The following TMEM74 variants were observed in gnomAD, a reference collection of about 807,000 sequenced individuals.
The protein encoded by TMEM74 is transmembrane protein 74.
In TMEM74, 13 loss-of-function variants were observed where a neutral mutation model predicts 18.1. The ratio of observed to expected loss-of-function variants is 0.72; its 90% CI spans 0.47 to 1.14. The LOEUF is 1.14. Among genes scored for constraint, TMEM74 ranks in the 50% most tolerant of loss-of-function variants. The pLI, the probability that TMEM74 is intolerant of heterozygous loss-of-function variation, is 0.00. For missense variants in TMEM74, 372 were observed against 375.9 expected, an observed-to-expected ratio of 0.99 and a Z score of 0.09; for synonymous variants, 159 against 146.6, an observed-to-expected ratio of 1.08 and a Z score of -0.61.
At chr8:108,729,676 T>C (rs994803405) in intron 1 of TMEM74, among the ~76,000 whole-genome samples, 1 of 152,228 alleles carries the variant, frequency 6.6e-6, no homozygotes, top group Non-Finnish European at 1.5e-5. Flanking sequence ...TAAACATTAA[T>C]TGGAATTTCC....
intron 2 of TMEM74, chr8:108,652,785 A>G: frequency 1.9e-6 from 1 of 531,602 alleles, no homozygotes. Flanking sequence ...TTTGAGTATG[A>G]CCCACCCCAT....
At chr8:108,700,269 T>G (rs1294417513) in intron 1 of TMEM74, among the ~76,000 whole-genome samples, 1 of 151,970 alleles carries the variant, frequency 6.6e-6, no homozygotes, top group African/African-American at 2.4e-5. Context: ...ACCACTCAGA[T>G]AGATGCTAAT....
intron 1 of TMEM74, among the ~76,000 whole-genome samples, chr8:108,761,863 G>A (rs577666233): frequency 9.2e-5 from 14 of 152,006 alleles, no homozygotes; most frequent in African/African-American, 2.7e-4. Flanking sequence ...AAAAAAATTC[G>A]TCAAACACTG....
intron 1 of TMEM74, among the ~76,000 whole-genome samples, chr8:108,743,923 T>A (rs1453903460): frequency 6.6e-6 from 1 of 152,100 alleles, no homozygotes; most frequent in African/African-American, 2.4e-5. Context: ...GCAGCCCACA[T>A]GAAAATCTTT....
intron 2 of TMEM74, among the ~76,000 whole-genome samples, chr8:108,627,531 G>A (rs988670784): frequency 1.3e-5 from 2 of 152,026 alleles, no homozygotes. Flanking sequence ...CACAGTGCCT[G>A]TTATACAGTA....
intron 2 of TMEM74, among the ~76,000 whole-genome samples, chr8:108,625,754 GTC>G (rs1299379657): frequency 6.6e-6 from 1 of 151,820 alleles, no homozygotes; most frequent in Admixed American, 6.6e-5. Context: ...TTATTTTTAA[GTC>G]TCTCTACCCA....
rs972771939 is a variant in TMEM74 at position 108,781,634 on chromosome 8, G to A, written c.*2547C>T. ...AGATAAGTAGAACCTTAAAAGAGAG[G>A]TGCTCTATATGTTAGCAGATTTAAA... On this transcript the variant is annotated 3_prime_UTR_variant, in exon 2 of 2. Coordinates refer to ENST00000297459, the MANE Select transcript of TMEM74 (RefSeq NM_153015.3). 4.6e-5 allele frequency among the ~76,000 whole-genome samples: 7 copies of A among 152,128 alleles called. No homozygotes were observed. The highest frequency in any genetic ancestry group is 1.7e-4 in the African/African-American group (7 of 41,414).
At chr8:108,640,115 CTTTTTTTTTTTT>C (rs35455409) in intron 2 of TMEM74, among the ~76,000 whole-genome samples, 1 of 78,888 alleles carries the variant, frequency 1.3e-5, no homozygotes, top group Non-Finnish European at 2.3e-5. Flanking sequence ...ATAGTAATCA[CTTTTTTTTTTTT>C]TTTTTTTTTT....
Position 108,779,473 on chromosome 8 carries a change from C to A in TMEM74, c.*4708G>T, listed in dbSNP as rs537185606. Among the ~76,000 whole-genome samples the A allele has an allele frequency of 6.6e-6, 1 of 151,996 alleles. No individual in the cohort carries two copies. Among genetic ancestry groups the A allele is most frequent in the African/African-American group, 2.4e-5 (1 of 41,392 alleles). On this transcript the variant is annotated 3_prime_UTR_variant, in exon 2 of 2. Coordinates refer to ENST00000297459, the MANE Select transcript of TMEM74 (RefSeq NM_153015.3). ...TCCCCTGAAATAAAATAACAATTCACGGTAAAATAATTTCCAAATATCTCA... is the reference window on the plus strand; with the variant it reads ...TCCCCTGAAATAAAATAACAATTCAAGGTAAAATAATTTCCAAATATCTCA...
At chr8:108,760,229 C>G (rs2130661221) in intron 1 of TMEM74, among the ~76,000 whole-genome samples, 1 of 151,924 alleles carries the variant, frequency 6.6e-6, no homozygotes, top group Middle Eastern at 3.4e-3. Context: ...ATTCAGAGCA[C>G]TTTGACAAAC....
chr8:108,648,034 G>A (rs1812737456), intron 2 of TMEM74, among the ~76,000 whole-genome samples: 1 of 152,142 alleles, frequency 6.6e-6, no homozygotes, highest in Admixed American at 6.6e-5. Context: ...TCCAATCAAA[G>A]AGGGAAGGCC....
intron 2 of TMEM74, among the ~76,000 whole-genome samples, chr8:108,632,976 A>G (rs1166231223): frequency 6.6e-6 from 1 of 152,026 alleles, no homozygotes; most frequent in Non-Finnish European, 1.5e-5. Flanking sequence ...TACAAAGTTA[A>G]TGATTCCGTA....
At position 108,758,447 on chromosome 8, in the gene TMEM74, C is replaced by T. The variant is rs141101347; in HGVS notation, n.119+29029G>A. On this transcript the variant is annotated intron_variant and non_coding_transcript_variant, in intron 1 of 3. Coordinates refer to the TMEM74 transcript ENST00000518838. ...AAGCCAATTCACAAAACAGGAAGTACAAATGGCCAAGAAATGTATAAAAAG... is the reference window on the plus strand; with the variant it reads ...AAGCCAATTCACAAAACAGGAAGTATAAATGGCCAAGAAATGTATAAAAAG... 1.8e-4 allele frequency among the ~76,000 whole-genome samples: 28 copies of T among 152,110 alleles called. No homozygotes were observed. In the East Asian group the frequency reaches 5.2e-3, roughly 28 times the overall value.
At chr8:108,777,774 G>T (rs1441815312), downstream of TMEM74, among the ~76,000 whole-genome samples, 4 of 152,102 alleles carry the variant, frequency 2.6e-5, no homozygotes, top group East Asian at 7.8e-4. Context: ...TTTTTCATTT[G>T]TAAAATGCAG....
rs755546973 is a variant in TMEM74, at chr8:108,751,078, C to A, written n.119+36398G>T. 5.9e-5 allele frequency among the ~76,000 whole-genome samples: 9 copies of A among 152,136 alleles called. No individual in the cohort carries two copies. In the East Asian group the frequency reaches 1.5e-3, roughly 26 times the overall value. On this transcript the variant is annotated intron_variant and non_coding_transcript_variant, in intron 1 of 3. Coordinates refer to the TMEM74 transcript ENST00000518838. ...TAACCTGGATACCTTCCACCGGTAACGCGTTCATGGACTTTAGAGTCTAGC... is the reference window on the plus strand; with the variant it reads ...TAACCTGGATACCTTCCACCGGTAAAGCGTTCATGGACTTTAGAGTCTAGC...
intron 2 of TMEM74, among the ~76,000 whole-genome samples, chr8:108,647,458 T>C (rs1812731198): frequency 6.6e-6 from 1 of 152,154 alleles, no homozygotes; most frequent in African/African-American, 2.4e-5. Flanking sequence ...CTATGACTAA[T>C]GTTTAGTACT....
chr8:108,720,463 G>A (rs1011358670), intron 1 of TMEM74, among the ~76,000 whole-genome samples: 1 of 152,120 alleles, frequency 6.6e-6, no homozygotes, highest in Non-Finnish European at 1.5e-5. Flanking sequence ...TTATTCACTG[G>A]CGTGCCTTTC....
chr8:108,736,208 A>G (rs1813748633), intron 1 of TMEM74, among the ~76,000 whole-genome samples: 1 of 152,132 alleles, frequency 6.6e-6, no homozygotes, highest in Admixed American at 6.6e-5. Context: ...GACTGTTAAC[A>G]TAAGAAAGTA....
In TMEM74 at chr8:108,644,732, A is replaced by C. The variant is rs1586245205; in HGVS notation, n.264+10561T>G. Among the ~76,000 whole-genome samples the C allele has an allele frequency of 2.6e-5, 4 of 152,310 alleles. No individual in the cohort carries two copies. In the Middle Eastern group the frequency reaches 0.01, roughly 389 times the overall value. On this transcript the variant is annotated intron_variant and non_coding_transcript_variant, in intron 2 of 3. Transcript: ENST00000518838. ...TTTCAAAAGAAGACATACAGTGGCCAACAAACATATGAAAAAAATGCTGTA... is the reference window on the plus strand; with the variant it reads ...TTTCAAAAGAAGACATACAGTGGCCCACAAACATATGAAAAAAATGCTGTA...
Sources: allele counts gnomAD v4.1 joint callset (sites outside exome capture counted in the v4.1 genomes callset), GRCh38; gene constraint gnomAD v4.1.1; transcripts MANE v1.5; gene names NCBI Gene and HGNC (gene_info 2026-07-23, HGNC 2026-07-21).